Variants in CYP4B1 observed in about 807,000 individuals in gnomAD.
The protein encoded by CYP4B1 is cytochrome P450 4B1.
A neutral mutation model predicts 54.0 loss-of-function variants in CYP4B1; 45 were observed. The ratio of observed to expected loss-of-function variants is 0.83; its 90% confidence interval spans 0.66 to 1.07. CYP4B1 has a LOEUF of 1.07. Among genes scored for constraint, CYP4B1 ranks in the 50% least tolerant of loss-of-function variants. The pLI is 0.00. For synonymous variants in CYP4B1, 248 were observed against 247.5 expected (o/e 1.00, Z -0.02); for missense variants, 656 against 655.4 (o/e 1.00, Z -0.01).
Position 46,818,141 on chromosome 1 carries a change from C to G in CYP4B1, c.1283C>G (p.Ser428Cys), listed in dbSNP as rs1359422919. Reference sequence around the variant, plus strand: ...GGCCTGTCCCTTCAGGTCTTTGACTCTCTGCGCTTTTCCACTGAGAATGCA... The same window carrying G: ...GGCCTGTCCCTTCAGGTCTTTGACTGTCTGCGCTTTTCCACTGAGAATGCA... Reference protein sequence around the residue: ...AVWPDPEVFDSLRFSTENASK... With the variant: ...AVWPDPEVFDCLRFSTENASK... The change falls in exon 11 of 12, where the codon TCT becomes TGT. Residue 428 changes from serine to cysteine, a missense_variant. Transcript: ENST00000371923. 2 of 1,614,180 alleles carry G rather than the reference C, an allele frequency of 1.2e-6. No homozygotes were observed. Among genetic ancestry groups the G allele is most frequent in the Non-Finnish European group, 1.7e-6 (2 of 1,180,012 alleles).
intron 1 of CYP4B1, among the ~76,000 whole-genome samples, chr1:46,800,830 T>A (rs142644542): frequency 6.6e-6 from 1 of 152,230 alleles, no homozygotes; most frequent in African/African-American, 2.4e-5. Flanking sequence ...GAAAGGAAAG[T>A]GTGGGTCAGA....
rs749857559 is a variant in CYP4B1 at position 46,810,800 on chromosome 1, C to A, written c.181-8C>A. ...CTGAGTGACCTTGGCCTTCTGTCAT[C>A]ATTTCAGATCCAGGAGACGGGGAGC... On this transcript the variant is annotated splice_polypyrimidine_tract_variant and splice_region_variant and intron_variant, in intron 1 of 11. Transcript: ENST00000371923. 2.5e-6 allele frequency: 4 copies of A among 1,614,090 alleles called. No homozygotes were observed. The Admixed American group carries it at 6.7e-5, about 27-fold the overall frequency.
At position 46,799,051 on chromosome 1, in the gene CYP4B1, A is replaced by ATAT; in HGVS notation, c.-31_-30insTAT. The ATAT allele has an allele frequency of 1.2e-6, 2 of 1,611,466 alleles. No homozygotes were observed. The highest frequency in any genetic ancestry group is 1.7e-6 in the Non-Finnish European group (2 of 1,178,536). ...ACCCAGGAGCAGCTGAAGGCAGGTCAGATGAAGGCTAGGTGGCTGGAACTG... is the reference window on the plus strand; with the variant it reads ...ACCCAGGAGCAGCTGAAGGCAGGTCATATGATGAAGGCTAGGTGGCTGGAACTG... On this transcript the variant is annotated 5_prime_UTR_variant, in exon 1 of 12. The change creates a new upstream start codon in the 5' untranslated region. Transcript: ENST00000371923.
At position 46,810,892 on chromosome 1, in the gene CYP4B1, A is replaced by G. The variant is rs1388776686; in HGVS notation, c.265A>G (p.Ile89Val). 2.5e-6 allele frequency: 4 copies of G among 1,614,132 alleles called. No homozygotes were observed. In the Admixed American group the frequency reaches 5.0e-5, roughly 20 times the overall value. Residue 89 changes from isoleucine to valine, a missense_variant, in exon 2 of 12, where the codon ATT becomes GTT. Ile to Val is a conservative substitution (Grantham distance 29, BLOSUM62 3). Coordinates refer to ENST00000371923, the MANE Select transcript of CYP4B1 (RefSeq NM_001099772.2). Reference protein sequence around the residue: ...YAHPLWFGQFIGFLNIYEPDY... With the variant: ...YAHPLWFGQFVGFLNIYEPDY... ...CCACCCACTCTGGTTCGGACAGTTC[A>G]TTGGCTTCCTGAACATCTATGAGCC... is the stretch of plus-strand genomic sequence containing the variant.
At position 46,817,948 on chromosome 1, in the gene CYP4B1, C is replaced by G. The variant is rs1327503707; in HGVS notation, c.1208-17C>G. The G allele has an allele frequency of 6.2e-7, 1 of 1,613,842 alleles. No individual in the cohort carries two copies. The highest frequency in any genetic ancestry group is 1.7e-5 in the Admixed American group (1 of 60,018). ...TACCCAGGACTACCTGGTCACCAAC[C>G]TCTGTTCTGCCCACAGGAAGCCTGA... On this transcript the variant is annotated splice_polypyrimidine_tract_variant and intron_variant, in intron 9 of 11. Transcript: ENST00000371923.
intron 9 of CYP4B1, 110 bp from the exon 10 acceptor site, chr1:46,817,855 G>GGCA (rs1423542192): frequency 1.7e-5 from 15 of 880,002 alleles, no homozygotes; most frequent in Non-Finnish European, 2.5e-5. Flanking sequence ...GCAGTGGTCA[G>GGCA]GCAGGAGCTG....
At position 46,814,309 on chromosome 1, in the gene CYP4B1, T is replaced by C; in HGVS notation, c.876T>C (p.Gly292=). ...RHLDFLDILL[G]ARDEDDIKLS... ...TGGACTTCCTGGACATTCTCCTGGG[T>C]GCCCGGGTGAGTACATTGTTGCCCA... Residue 292 remains glycine, a synonymous_variant, in exon 7 of 12, where the codon GGT becomes GGC. Coordinates refer to ENST00000371923, the MANE Select transcript of CYP4B1 (RefSeq NM_001099772.2). 6.2e-7 allele frequency: 1 copy of C among 1,612,918 alleles called. No homozygotes were observed. The highest frequency in any genetic ancestry group is 8.5e-7 in the Non-Finnish European group (1 of 1,179,354).
chr1:46,805,671 G>T lies in CYP4B1; in HGVS notation c.181-5137G>T, dbSNP rs115241921. Among the ~76,000 whole-genome samples the T allele has an allele frequency of 4.1e-3, 628 of 152,316 alleles. 3 individuals are homozygous for T. The highest frequency in any genetic ancestry group is 0.014 in the African/African-American group (602 of 41,568). ...CATGGCTCTGTTCAACCTCACAGCTGAATCCCCAATGAGTTTTTGTACATT... is the reference window on the plus strand; with the variant it reads ...CATGGCTCTGTTCAACCTCACAGCTTAATCCCCAATGAGTTTTTGTACATT... On this transcript the variant is annotated intron_variant, in intron 1 of 11. Transcript: ENST00000371923.
chr1:46,813,653 T>C (rs1232682376), intron 5 of CYP4B1, 47 bp downstream of exon 5: 2 of 1,609,554 alleles, frequency 1.2e-6, no homozygotes, highest in Middle Eastern at 1.7e-4. Flanking sequence ...AAAGCCATCT[T>C]AGAGGGGAGA....
At chr1:46,801,810 A>C (rs1678672521) in intron 1 of CYP4B1, among the ~76,000 whole-genome samples, 1 of 152,138 alleles carries the variant, frequency 6.6e-6, no homozygotes, top group Non-Finnish European at 1.5e-5. Context: ...TGGGCCCAGG[A>C]CTTCTGCATT....
intron 9 of CYP4B1, 44 bp from the exon 10 acceptor site, chr1:46,817,921 G>T (rs1679400069): frequency 6.3e-7 from 1 of 1,588,888 alleles, no homozygotes; most frequent in South Asian, 1.1e-5. Flanking sequence ...GGTAGGCCTG[G>T]CTACCCAGGA....
Position 46,811,019 on chromosome 1 carries a change from A to T in CYP4B1, c.322+70A>T. 3 of 1,602,398 alleles carry T rather than the reference A, an allele frequency of 1.9e-6. No homozygotes were observed. The South Asian group carries it at 3.3e-5, about 18-fold the overall frequency. On this transcript the variant is annotated intron_variant, in intron 2 of 11. Coordinates refer to ENST00000371923, the MANE Select transcript of CYP4B1 (RefSeq NM_001099772.2). Reference sequence around the variant, plus strand: ...GAGAACAAAGGGCTCAGGGCATGATATGGGGAGGAAGCCTGGGCCTGTGTA... The same window carrying T: ...GAGAACAAAGGGCTCAGGGCATGATTTGGGGAGGAAGCCTGGGCCTGTGTA...
intron 8 of CYP4B1, among the ~76,000 whole-genome samples, chr1:46,816,581 G>GACACACACACACACACACACACACACAC (rs3066413): frequency 0.017 from 2,506 of 146,524 alleles, 37 homozygotes; most frequent in East Asian, 0.039. Context: ...AAAGGGAAAA[G>GACACACACACACACACACACACACACAC]ACACACACAC....
At chr1:46,811,267 A>T in intron 3 of CYP4B1, 83 bp downstream of exon 3, 2 of 1,419,506 alleles carry the variant, frequency 1.4e-6, no homozygotes, top group Non-Finnish European at 2.0e-6. Context: ...GTCCCACTCA[A>T]TTGGTTATCC....
At chr1:46,800,478 G>A (rs1273388459) in intron 1 of CYP4B1, among the ~76,000 whole-genome samples, 2 of 151,612 alleles carry the variant, frequency 1.3e-5, no homozygotes, top group African/African-American at 4.8e-5. Flanking sequence ...CCACAGGCAC[G>A]CGCCACCATG....
At chr1:46,814,120 C>T in intron 6 of CYP4B1, 57 bp downstream of exon 6, 1 of 1,610,918 alleles carries the variant, frequency 6.2e-7, no homozygotes, top group Non-Finnish European at 8.5e-7. Context: ...CTCCTGGCCC[C>T]TCTATGCCCC....
Position 46,818,165 on chromosome 1 carries a change from C to G in CYP4B1, c.1307C>G (p.Ala436Gly), listed in dbSNP as rs551914469. 2.0e-5 allele frequency: 33 copies of G among 1,614,186 alleles called. No individual in the cohort carries two copies. The Admixed American group carries it at 5.3e-4, about 26-fold the overall frequency. ...TCTCTGCGCTTTTCCACTGAGAATG[C>G]ATCCAAACGCCATCCCTTTGCCTTT... ...FDSLRFSTEN[A>G]SKRHPFAFMP... The change falls in exon 11 of 12, where the codon GCA becomes GGA. Residue 436 changes from alanine (A) to glycine (G), a missense_variant. Coordinates refer to ENST00000371923, the MANE Select transcript of CYP4B1 (RefSeq NM_001099772.2).
chr1:46,802,369 G>A (rs681840), intron 1 of CYP4B1, among the ~76,000 whole-genome samples: 118,116 of 152,066 alleles, frequency 0.78, 46,056 homozygotes, highest in Admixed American at 0.82. Flanking sequence ...ACAGGCCTTC[G>A]CTGTGCCCAG....
At chr1:46,806,136 A>G (rs1678850190) in intron 1 of CYP4B1, among the ~76,000 whole-genome samples, 2 of 152,156 alleles carry the variant, frequency 1.3e-5, no homozygotes, top group African/African-American at 4.8e-5. Flanking sequence ...TCCTGTCACT[A>G]GAGATGTTTG....
Sources: gnomAD v4.1 joint callset for allele counts (sites outside exome capture counted in the v4.1 genomes callset) on GRCh38, gnomAD v4.1.1 for gene constraint, MANE v1.5 for transcripts, NCBI Gene and HGNC (gene_info 2026-07-23, HGNC 2026-07-21) for gene names.